The following BNC2 variants were observed in gnomAD, a reference collection of about 807,000 sequenced individuals.
BNC2 encodes the protein basonuclin zinc finger protein 2, also known as zinc finger protein basonuclin-2.
A neutral mutation model predicts 76.3 loss-of-function variants in BNC2; 20 were observed. That is an observed-to-expected ratio of 0.26 (90% CI 0.18 to 0.38). The LOEUF (loss-of-function observed/expected upper bound fraction) is 0.38, where lower values mean the gene tolerates loss of function less well. Ranked by LOEUF, BNC2 falls within the 10% of genes least tolerant of loss-of-function variation. The pLI is 1.00. For synonymous variants in BNC2, 582 were observed against 514.8 expected (o/e 1.13, Z -1.77); for missense variants, 1,382 against 1,399.8 (o/e 0.99, Z 0.20).
At position 16,539,783 on chromosome 9, in the gene BNC2, G is replaced by A. The variant is rs867198935; in HGVS notation, c.669+12747C>T. 6.6e-3 allele frequency among the ~76,000 whole-genome samples: 814 copies of A among 123,088 alleles called. 10 individuals carry two copies. Among genetic ancestry groups the A allele is most frequent in the South Asian group, 0.021 (70 of 3,308 alleles). The allele number at this position is 123,088 out of a possible 152,430, so 80.8% of individuals were successfully genotyped here. A position where few individuals can be genotyped will look rare whatever the true frequency, so the allele number is the denominator to read the frequency against. ...GGAAAGGAAAAGAAAGGAAAGGAAAGGAAAGGAAAGGAAAGGAAAGGAAAG... is the reference window on the plus strand; with the variant it reads ...GGAAAGGAAAAGAAAGGAAAGGAAAAGAAAGGAAAGGAAAGGAAAGGAAAG... On this transcript the variant is annotated intron_variant, in intron 5 of 6. Transcript: ENST00000380672.
At chr9:16,827,137 C>G (rs1291177454) in intron 1 of BNC2, among the ~76,000 whole-genome samples, 1 of 152,150 alleles carries the variant, frequency 6.6e-6, no homozygotes, top group Non-Finnish European at 1.5e-5. Context: ...AAAGTTACAT[C>G]TGGAGAGGAA....
intron 5 of BNC2, among the ~76,000 whole-genome samples, chr9:16,470,214 G>A (rs1821793343): frequency 6.6e-6 from 1 of 152,066 alleles, no homozygotes; most frequent in Non-Finnish European, 1.5e-5. Flanking sequence ...AGCCAGGATG[G>A]TCTCAATCTC....
chr9:16,857,621 C>T (rs1300532463), intron 1 of BNC2, among the ~76,000 whole-genome samples: 1 of 150,448 alleles, frequency 6.6e-6, no homozygotes, highest in Non-Finnish European at 1.5e-5. Context: ...TCTTTATGTA[C>T]GTAAACACTT....
intron 3 of BNC2, among the ~76,000 whole-genome samples, chr9:16,675,849 G>A (rs191783257): frequency 6.6e-6 from 1 of 152,198 alleles, no homozygotes; most frequent in Admixed American, 6.5e-5. Context: ...AGGAGTTTGA[G>A]ACCAGCCTGG....
At chr9:16,644,402 T>G (rs1042031612) in intron 3 of BNC2, among the ~76,000 whole-genome samples, 3 of 152,156 alleles carry the variant, frequency 2.0e-5, no homozygotes, top group Non-Finnish European at 4.4e-5. Flanking sequence ...TATTGAGCAT[T>G]GAAAATAAAC....
intron 3 of BNC2, among the ~76,000 whole-genome samples, chr9:16,586,272 C>T (rs1819768573): frequency 6.6e-6 from 1 of 152,082 alleles, no homozygotes; most frequent in South Asian, 2.1e-4. Context: ...TAACAACAAC[C>T]ATACATTTTC....
intron 3 of BNC2, among the ~76,000 whole-genome samples, chr9:16,652,326 A>G (rs758454216): frequency 4.6e-5 from 7 of 152,230 alleles, no homozygotes; most frequent in Non-Finnish European, 1.0e-4. Context: ...AAAAACAAGT[A>G]AAAACTAACT....
At chr9:16,457,273 C>G (rs1927639) in intron 5 of BNC2, among the ~76,000 whole-genome samples, 75,481 of 151,938 alleles carry the variant, frequency 0.5, 20,176 homozygotes, top group African/African-American at 0.68. Context: ...TGACTTTTCT[C>G]CTCATATGGA....
intron 3 of BNC2, among the ~76,000 whole-genome samples, chr9:16,637,319 G>T (rs575968094): frequency 2.0e-5 from 3 of 152,144 alleles, no homozygotes; most frequent in Non-Finnish European, 4.4e-5. Flanking sequence ...CAGAACTAAA[G>T]TGAAGTTGGA....
chr9:16,861,021 G>A (rs937205582), intron 1 of BNC2, among the ~76,000 whole-genome samples: 2 of 132,226 alleles, frequency 1.5e-5, no homozygotes, highest in African/African-American at 5.5e-5. Context: ...CTGAGCGCCA[G>A]AGCAAGACTC....
At chr9:16,592,150 G>A (rs1819948070) in intron 3 of BNC2, among the ~76,000 whole-genome samples, 1 of 151,684 alleles carries the variant, frequency 6.6e-6, no homozygotes, top group Non-Finnish European at 1.5e-5. Flanking sequence ...AAAATGTTAT[G>A]AACCAAAGAA....
At chr9:16,693,656 A>G (rs1823249753) in intron 3 of BNC2, among the ~76,000 whole-genome samples, 1 of 152,248 alleles carries the variant, frequency 6.6e-6, no homozygotes, top group African/African-American at 2.4e-5. Flanking sequence ...ATATAACTTA[A>G]AACAATGGAG....
At chr9:16,757,477 C>T (rs1435680546) in intron 1 of BNC2, among the ~76,000 whole-genome samples, 1 of 152,212 alleles carries the variant, frequency 6.6e-6, no homozygotes, top group Admixed American at 6.5e-5. Flanking sequence ...TTCTTGACAA[C>T]TGTCGAACAT....
At chr9:16,629,447 G>C (rs553980191) in intron 3 of BNC2, among the ~76,000 whole-genome samples, 35 of 152,274 alleles carry the variant, frequency 2.3e-4, no homozygotes, top group African/African-American at 8.2e-4. Flanking sequence ...GAACTTTAAT[G>C]TTTGTGTGTT....
intron 1 of BNC2, among the ~76,000 whole-genome samples, chr9:16,851,281 G>T (rs1040151956): frequency 1.3e-5 from 2 of 152,120 alleles, no homozygotes; most frequent in African/African-American, 4.8e-5. Context: ...GCCAAGGCAG[G>T]AGGATTGCTT....
At chr9:16,570,156 G>T (rs770289935) in intron 4 of BNC2, among the ~76,000 whole-genome samples, 1 of 152,032 alleles carries the variant, frequency 6.6e-6, no homozygotes, top group Non-Finnish European at 1.5e-5. Flanking sequence ...AAGTGCAAAG[G>T]CAAGGCATAT....
chr9:16,749,753 T>C (rs1397990364), intron 1 of BNC2, among the ~76,000 whole-genome samples: 5 of 151,346 alleles, frequency 3.3e-5, no homozygotes, highest in East Asian at 1.9e-4. Flanking sequence ...GTTCCTTGGA[T>C]AGATGAAAGA....
intron 3 of BNC2, among the ~76,000 whole-genome samples, chr9:16,627,340 C>T (rs1037983918): frequency 1.3e-5 from 2 of 152,188 alleles, no homozygotes; most frequent in African/African-American, 4.8e-5. Flanking sequence ...GAAGCAGAAG[C>T]AAGCAAATGT....
At chr9:16,597,424 A>G (rs1444114256) in intron 3 of BNC2, among the ~76,000 whole-genome samples, 2 of 152,180 alleles carry the variant, frequency 1.3e-5, no homozygotes, top group Admixed American at 1.3e-4. Context: ...ATTTCAACTT[A>G]TCACTTTTAC....
Sources: allele counts gnomAD v4.1 joint callset (sites outside exome capture counted in the v4.1 genomes callset), GRCh38; gene constraint gnomAD v4.1.1; transcripts MANE v1.5; gene names NCBI Gene and HGNC (gene_info 2026-07-23, HGNC 2026-07-21).